Variants in SETBP1 observed in about 807,000 individuals in gnomAD.
The protein encoded by SETBP1 is SET binding protein 1, also known as SET-binding protein.
In SETBP1, 9 loss-of-function variants were observed where a neutral mutation model predicts 101.0. The observed-to-expected ratio is 0.09, with a 90% CI of 0.05 to 0.16. The LOEUF (loss-of-function observed/expected upper bound fraction) is 0.16, where lower values mean the gene tolerates loss of function less well. Among genes scored for constraint, SETBP1 ranks in the 10% least tolerant of loss-of-function variants. SETBP1 has a pLI of 1.00. For missense variants in SETBP1, 1,858 were observed against 2,033.8 expected (o/e 0.91, Z 1.66); for synonymous variants, 818 against 788.5 (o/e 1.04, Z -0.63).
At chr18:44,799,969 T>C (rs1202457943) in intron 2 of SETBP1, among the ~76,000 whole-genome samples, 1 of 152,204 alleles carries the variant, frequency 6.6e-6, no homozygotes, top group Non-Finnish European at 1.5e-5. Context: ...CCAGTCTTTG[T>C]TCCTTTCATC....
At chr18:44,796,347 T>A (rs984868820) in intron 2 of SETBP1, among the ~76,000 whole-genome samples, 1 of 152,222 alleles carries the variant, frequency 6.6e-6, no homozygotes, top group African/African-American at 2.4e-5. Context: ...GGTTCCTGCC[T>A]ATTGCGCTAG....
intron 2 of SETBP1, among the ~76,000 whole-genome samples, chr18:44,730,631 T>G (rs1385936469): frequency 1.3e-5 from 2 of 152,228 alleles, no homozygotes; most frequent in Non-Finnish European, 2.9e-5. Flanking sequence ...CTCCCTGTTG[T>G]GCCTGTCCTC....
intron 2 of SETBP1, among the ~76,000 whole-genome samples, chr18:44,802,086 T>A (rs2071619108): frequency 6.6e-6 from 1 of 152,184 alleles, no homozygotes; most frequent in African/African-American, 2.4e-5. Flanking sequence ...CAGGCAGAAA[T>A]AATTGGCATA....
intron 3 of SETBP1, among the ~76,000 whole-genome samples, chr18:44,873,755 GT>G (rs1204447167): frequency 6.6e-6 from 1 of 152,060 alleles, no homozygotes; most frequent in African/African-American, 2.4e-5. Flanking sequence ...GAAATAATAG[GT>G]TTTTTTAAAG....
chr18:44,761,382 A>G (rs1320916988), intron 2 of SETBP1, among the ~76,000 whole-genome samples: 2 of 152,226 alleles, frequency 1.3e-5, no homozygotes, highest in Non-Finnish European at 2.9e-5. Context: ...CTATCTGACT[A>G]TAACTTTGTA....
chr18:44,734,838 T>G (rs1420318281), intron 2 of SETBP1, among the ~76,000 whole-genome samples: 2 of 152,200 alleles, frequency 1.3e-5, no homozygotes, highest in African/African-American at 4.8e-5. Flanking sequence ...TTCTCTTATT[T>G]AGGTTAGAAA....
chr18:44,943,960 G>A (rs932363744), intron 3 of SETBP1, among the ~76,000 whole-genome samples: 1 of 151,524 alleles, frequency 6.6e-6, no homozygotes, highest in East Asian at 2.0e-4. Flanking sequence ...TCAGCCTCCC[G>A]AGTAGCTGGG....
At chr18:44,843,753 A>G (rs1568176183) in intron 2 of SETBP1, among the ~76,000 whole-genome samples, 1 of 152,082 alleles carries the variant, frequency 6.6e-6, no homozygotes, top group Non-Finnish European at 1.5e-5. Context: ...AAGGTGATTC[A>G]TGGTTTATCC....
At chr18:45,022,165 A>G (rs1292267367) in intron 4 of SETBP1, among the ~76,000 whole-genome samples, 4 of 152,170 alleles carry the variant, frequency 2.6e-5, no homozygotes, top group Non-Finnish European at 5.9e-5. Context: ...ATGGTTCTAC[A>G]TAGACATCCT....
At chr18:44,990,676 C>T (rs542141863) in intron 4 of SETBP1, among the ~76,000 whole-genome samples, 4 of 150,576 alleles carry the variant, frequency 2.7e-5, no homozygotes, top group Admixed American at 2.0e-4. Flanking sequence ...CCCACACACA[C>T]GTTGGCTCTA....
At chr18:44,866,997 C>T (rs1352102010) in intron 2 of SETBP1, among the ~76,000 whole-genome samples, 1 of 152,158 alleles carries the variant, frequency 6.6e-6, no homozygotes, top group East Asian at 1.9e-4. Flanking sequence ...TGCTATAATT[C>T]AGACGCATTT....
At chr18:44,829,895 G>C (rs1178881640) in intron 2 of SETBP1, among the ~76,000 whole-genome samples, 1 of 152,124 alleles carries the variant, frequency 6.6e-6, no homozygotes, top group Non-Finnish European at 1.5e-5. Flanking sequence ...CTTCTTGTCA[G>C]GGGGAAAATG....
chr18:44,757,474 C>A (rs2070524854), intron 2 of SETBP1, among the ~76,000 whole-genome samples: 2 of 152,154 alleles, frequency 1.3e-5, no homozygotes, highest in African/African-American at 4.8e-5. Context: ...TGAACACACG[C>A]ATACACTTAT....
chr18:44,771,343 G>GACC (rs1260846725), intron 2 of SETBP1, among the ~76,000 whole-genome samples: 2 of 146,568 alleles, frequency 1.4e-5, no homozygotes, highest in African/African-American at 2.5e-5. Flanking sequence ...TGGTGCATGG[G>GACC]TGCACAGGTG....
At chr18:44,979,813 T>C (rs1787174432) in intron 4 of SETBP1, among the ~76,000 whole-genome samples, 1 of 152,268 alleles carries the variant, frequency 6.6e-6, no homozygotes, top group Admixed American at 6.5e-5. Flanking sequence ...CACCATCTAT[T>C]GCACATATTG....
rs780396157 is a variant in SETBP1, at chr18:44,701,821, T to C, written c.475T>C (p.Ser159Pro). The change falls in exon 2 of 6, where the codon TCC (serine) becomes CCC (proline). Residue 159 changes from serine to proline, a missense_variant. Ser to Pro is a moderately conservative substitution (Grantham distance 74). Transcript: ENST00000649279. ...CACGAAGGAGGAAGAAAGAAGCCAC[T>C]CCAAAAAGAAGGTAGGAAGCCCTGT... ...KATKEEERSH[S>P]KKKLLTASDL... 6.2e-7 allele frequency: 1 copy of C among 1,613,016 alleles called. No homozygotes were observed. The highest frequency in any genetic ancestry group is 8.5e-7 in the Non-Finnish European group (1 of 1,180,022).
At chr18:44,886,537 A>T (rs1233447797) in intron 3 of SETBP1, among the ~76,000 whole-genome samples, 1 of 152,014 alleles carries the variant, frequency 6.6e-6, no homozygotes, top group African/African-American at 2.4e-5. Context: ...TTTATATGTC[A>T]AGGTGGTTTT....
rs1032340540 is a variant in SETBP1, at chr18:44,701,187, T to C, written c.-160T>C. 7.6e-6 allele frequency: 5 copies of C among 661,618 alleles called. No homozygotes were observed. The highest frequency in any genetic ancestry group is 1.2e-5 in the Non-Finnish European group (5 of 421,326). The allele number at this position is 661,618 out of a possible 1,614,324, so 41.0% of individuals were successfully genotyped here. A position where few individuals can be genotyped will look rare whatever the true frequency, so the allele number is the denominator to read the frequency against. On this transcript the variant is annotated 5_prime_UTR_variant, in exon 2 of 6. Transcript: ENST00000649279. ...CTTTGCTTCTCAGTTGCAGATCTGA[T>C]CTCTTCTGAACACCTCATCGTGTCT...
intron 2 of SETBP1, among the ~76,000 whole-genome samples, chr18:44,868,862 C>T (rs1338352370): frequency 6.6e-6 from 1 of 152,084 alleles, no homozygotes; most frequent in Non-Finnish European, 1.5e-5. Context: ...AAGCCAGGGC[C>T]CATCTCTCTA....
Sources: allele counts gnomAD v4.1 joint callset (sites outside exome capture counted in the v4.1 genomes callset), GRCh38; gene constraint gnomAD v4.1.1; transcripts MANE v1.5; gene names NCBI Gene and HGNC (gene_info 2026-07-23, HGNC 2026-07-21).